The following DOCK10 variants were observed in gnomAD, a reference collection of about 807,000 sequenced individuals.
DOCK10 encodes the protein dedicator of cytokinesis protein 10.
Under a neutral mutation model 280.1 loss-of-function variants are expected in DOCK10, and 145 were observed. The observed-to-expected ratio is 0.52, with a 90% CI of 0.45 to 0.59. The LOEUF (loss-of-function observed/expected upper bound fraction) is 0.59. Ranked by LOEUF, DOCK10 falls within the 20% of genes least tolerant of loss-of-function variation. The probability of loss-of-function intolerance (pLI) is 0.00; values close to 1 mark genes in which losing one functional copy is unlikely to be tolerated. For synonymous variants in DOCK10, 915 were observed against 942.2 expected, an observed-to-expected ratio of 0.97 and a Z score of 0.53; for missense variants, 2,368 against 2,651.7, an observed-to-expected ratio of 0.89 and a Z score of 2.35.
intron 28 of DOCK10, among the ~76,000 whole-genome samples, chr2:224,821,411 A>T (rs1694495864): frequency 6.6e-6 from 1 of 152,230 alleles, no homozygotes; most frequent in Non-Finnish European, 1.5e-5. Flanking sequence ...GAGATTTATG[A>T]CATCAGCACT....
intron 27 of DOCK10, among the ~76,000 whole-genome samples, chr2:224,829,390 G>A (rs1236812785): frequency 2.0e-5 from 3 of 152,154 alleles, no homozygotes; most frequent in Admixed American, 2.0e-4. Context: ...TATCCTAGTG[G>A]GGGAGGCCAG....
intron 1 of DOCK10, among the ~76,000 whole-genome samples, chr2:224,964,838 G>A (rs910650296): frequency 2.0e-5 from 3 of 152,096 alleles, no homozygotes; most frequent in African/African-American, 2.4e-5. Flanking sequence ...AGAACAGCCC[G>A]GCTATAAGAA....
chr2:224,989,726 C>A (rs890095216), intron 1 of DOCK10, among the ~76,000 whole-genome samples: 3 of 152,154 alleles, frequency 2.0e-5, no homozygotes, highest in Non-Finnish European at 4.4e-5. Context: ...GCCTTCTCAG[C>A]TGAAAAGTGG....
rs969616079 is a variant in DOCK10 at position 224,837,314 on chromosome 2, A to G, written c.2850+448T>C. Among the ~76,000 whole-genome samples, 3 of 152,234 alleles carry G rather than the reference A, an allele frequency of 2.0e-5. No homozygotes were observed. The East Asian group carries it at 5.8e-4, about 29-fold the overall frequency. On this transcript the variant is annotated intron_variant, in intron 25 of 55. Transcript: ENST00000258390. ...GAAGATAAAGGACTTAACATACCAG[A>G]AGCAGGTACAAATATACAGTAACTG... is the stretch of plus-strand genomic sequence containing the variant.
Position 224,868,884 on chromosome 2 carries a change from G to T in DOCK10, c.1258-3797C>A, listed in dbSNP as rs548011390. 2.0e-5 allele frequency among the ~76,000 whole-genome samples: 3 copies of T among 152,136 alleles called. No individual in the cohort carries two copies. In the South Asian group the frequency reaches 6.2e-4, roughly 32 times the overall value. On this transcript the variant is annotated intron_variant, in intron 11 of 55. Coordinates refer to ENST00000258390, the MANE Select transcript of DOCK10 (RefSeq NM_014689.3). ...AGTGGGAACTCAAAACACATTGAAG[G>T]TCAAAGCAAAACCCATCTTTTTTCC... is the stretch of plus-strand genomic sequence containing the variant.
At chr2:225,011,028 C>T (rs1689420575) in intron 1 of DOCK10, among the ~76,000 whole-genome samples, 1 of 152,180 alleles carries the variant, frequency 6.6e-6, no homozygotes, top group Admixed American at 6.5e-5. Flanking sequence ...GGCTGTGACA[C>T]ATTCTGACTC....
chr2:224,956,124 C>G (rs187525002), intron 1 of DOCK10, among the ~76,000 whole-genome samples: 180 of 152,288 alleles, frequency 1.2e-3, no homozygotes, highest in African/African-American at 4.2e-3. Context: ...CAAGGTGAAG[C>G]AGGATTTCTT....
At chr2:224,971,050 G>C (rs955124808) in intron 1 of DOCK10, among the ~76,000 whole-genome samples, 4 of 152,226 alleles carry the variant, frequency 2.6e-5, no homozygotes, top group Non-Finnish European at 5.9e-5. Context: ...AGAAGCTACA[G>C]ATAAGTCAAT....
intron 50 of DOCK10, chr2:224,778,546 A>G (rs1691043650): frequency 6.4e-6 from 3 of 469,256 alleles, no homozygotes; most frequent in African/African-American, 2.0e-5. Context: ...TATTTTCTCT[A>G]TTTGTAGAAC....
At chr2:224,961,459 T>TTTCTTTCTTTCTTTCTTTCTTTCC (rs1559873938) in intron 1 of DOCK10, among the ~76,000 whole-genome samples, 5 of 132,328 alleles carry the variant, frequency 3.8e-5, no homozygotes, top group African/African-American at 1.3e-4. Context: ...TCTTTCTTTC[T>TTTCTTTCTTTCTTTCTTTCTTTCC]TTCTTTCTTT....
rs1021230983 is a variant in DOCK10 at position 224,970,494 on chromosome 2, G to A, written c.124-38826C>T. ...TATGATTCTGTTTCTGTTCTAGCACGACATTTCCGGATTCAGACTTCTGCA... is the reference window on the plus strand; with the variant it reads ...TATGATTCTGTTTCTGTTCTAGCACAACATTTCCGGATTCAGACTTCTGCA... On this transcript the variant is annotated intron_variant, in intron 1 of 55. Coordinates refer to ENST00000258390, the MANE Select transcript of DOCK10 (RefSeq NM_014689.3). The surrounding 1 kb of genome is among the most constrained non-coding windows in gnomAD (Gnocchi z 4.6). Among the ~76,000 whole-genome samples the A allele has an allele frequency of 1.3e-5, 2 of 152,180 alleles. No homozygotes were observed. Among genetic ancestry groups the A allele is most frequent in the East Asian group, 1.9e-4 (1 of 5,202 alleles).
chr2:224,881,945 G>A (rs1699002606), intron 7 of DOCK10, among the ~76,000 whole-genome samples: 1 of 152,180 alleles, frequency 6.6e-6, no homozygotes, highest in Admixed American at 6.5e-5. Flanking sequence ...GCAGGGGGCT[G>A]CTTGACCTAC....
chr2:224,946,363 G>A (rs1266866909), intron 1 of DOCK10, among the ~76,000 whole-genome samples: 1 of 151,968 alleles, frequency 6.6e-6, no homozygotes, highest in Non-Finnish European at 1.5e-5. Flanking sequence ...TTAATCAAAT[G>A]CTTATTTACT....
intron 1 of DOCK10, among the ~76,000 whole-genome samples, chr2:225,040,823 T>C (rs976781756): frequency 5.3e-5 from 8 of 152,232 alleles, no homozygotes; most frequent in African/African-American, 1.7e-4. Flanking sequence ...GAGATTTTCT[T>C]ATCTCTACTT....
intron 1 of DOCK10, among the ~76,000 whole-genome samples, chr2:225,041,809 G>T (rs1015767092): frequency 6.6e-6 from 1 of 152,140 alleles, no homozygotes; most frequent in Non-Finnish European, 1.5e-5. Flanking sequence ...CTCTCTCAGC[G>T]CACTGGTCTG....
At chr2:224,785,805 G>A (rs1691694839) in intron 50 of DOCK10, among the ~76,000 whole-genome samples, 1 of 152,156 alleles carries the variant, frequency 6.6e-6, no homozygotes, top group South Asian at 2.1e-4. Context: ...AGCTGCCTTT[G>A]GTGAGCAGAG....
intron 1 of DOCK10, among the ~76,000 whole-genome samples, chr2:225,040,513 C>CGTGT (rs34574873): frequency 0.031 from 4,533 of 147,436 alleles, 80 homozygotes; most frequent in Middle Eastern, 0.045. Flanking sequence ...GAAAGCAGTG[C>CGTGT]GTGTGTGTGT....
chr2:224,782,887 A>G (rs1394637875), intron 50 of DOCK10, among the ~76,000 whole-genome samples: 1 of 152,246 alleles, frequency 6.6e-6, no homozygotes, highest in Non-Finnish European at 1.5e-5. Flanking sequence ...ACCATTATGA[A>G]TAAGAAATCA....
intron 2 of DOCK10, among the ~76,000 whole-genome samples, chr2:224,921,102 A>ATATATATAT (rs1559767369): frequency 7.3e-5 from 3 of 41,264 alleles, no homozygotes; most frequent in African/African-American, 4.0e-4. Flanking sequence ...TAAAAAAAAA[A>ATATATATAT]AAAAAAAAAA....
Sources: allele counts gnomAD v4.1 joint callset (sites outside exome capture counted in the v4.1 genomes callset), GRCh38; gene constraint gnomAD v4.1.1; non-coding constraint Gnocchi (gnomAD v3.1); transcripts MANE v1.5; gene names NCBI Gene and HGNC (gene_info 2026-07-23, HGNC 2026-07-21).